The following ATXN7 variants were observed in gnomAD, a reference collection of about 807,000 sequenced individuals.
The protein encoded by ATXN7 is ataxin-7.
ATXN7 carries 12 observed loss-of-function variants against 70.5 expected under a neutral mutation model. That is an observed-to-expected ratio of 0.17 (90% confidence interval 0.11 to 0.28). The LOEUF (loss-of-function observed/expected upper bound fraction) is 0.28. Among genes scored for constraint, ATXN7 ranks in the 10% least tolerant of loss-of-function variants. The pLI is 1.00. For synonymous variants in ATXN7, 498 were observed against 448.7 expected (o/e 1.11, Z -1.39); for missense variants, 1,256 against 1,131.7 (o/e 1.11, Z -1.58).
chr3:63,893,707 C>G (rs1703356686), intron 1 of ATXN7, among the ~76,000 whole-genome samples: 1 of 152,204 alleles, frequency 6.6e-6, no homozygotes, highest in Non-Finnish European at 1.5e-5. Flanking sequence ...TTGGCCTTGG[C>G]TCCCTCTCCA....
intron 4 of ATXN7, among the ~76,000 whole-genome samples, chr3:63,925,050 G>C (rs1432435683): frequency 6.6e-6 from 1 of 152,196 alleles, no homozygotes; most frequent in Non-Finnish European, 1.5e-5. Context: ...GGACAGGCTG[G>C]TTTTGGATGG....
intron 1 of ATXN7, among the ~76,000 whole-genome samples, chr3:63,884,799 G>T (rs1257919211): frequency 6.6e-6 from 1 of 151,772 alleles, no homozygotes; most frequent in Non-Finnish European, 1.5e-5. Flanking sequence ...ACAGGTGTGT[G>T]CCACCATGCC....
At chr3:63,979,489 CAGAG>C (rs934377016) in intron 5 of ATXN7, among the ~76,000 whole-genome samples, 57 of 152,274 alleles carry the variant, frequency 3.7e-4, no homozygotes, top group African/African-American at 1.3e-3. Flanking sequence ...TTTTGAAAAT[CAGAG>C]AGGTGCGGTG....
At chr3:63,967,164 T>C (rs907209831) in intron 5 of ATXN7, among the ~76,000 whole-genome samples, 2 of 152,134 alleles carry the variant, frequency 1.3e-5, no homozygotes, top group South Asian at 2.1e-4. Flanking sequence ...ATAGGGATGA[T>C]AGGGAAACAG....
At chr3:63,928,986 T>C (rs1486608366) in intron 4 of ATXN7, among the ~76,000 whole-genome samples, 1 of 152,202 alleles carries the variant, frequency 6.6e-6, no homozygotes, top group African/African-American at 2.4e-5. Context: ...TGAGTGTGCA[T>C]ATTAGTCCAC....
intron 11 of ATXN7, 80 bp from the exon 12 acceptor site, chr3:63,995,425 A>G: frequency 6.7e-7 from 1 of 1,489,098 alleles, no homozygotes; most frequent in South Asian, 1.2e-5. Context: ...CTTTGTCACA[A>G]GCAAAGAGGG....
rs1044293709 is a variant in ATXN7 at position 63,958,940 on chromosome 3, A to G, written c.499+6457A>G. Among the ~76,000 whole-genome samples, 37 of 152,250 alleles carry G rather than the reference A, an allele frequency of 2.4e-4. 1 individual carries two copies. The highest frequency in any genetic ancestry group is 6.5e-5 in the Admixed American group (1 of 15,298). On this transcript the variant is annotated intron_variant, in intron 5 of 12. Transcript: ENST00000674280. ...ATAGAGTAAAAAAAATTCGGAGACA[A>G]TATGAATTGCATGTGTCACAAAACT... is the stretch of plus-strand genomic sequence containing the variant.
At chr3:63,955,153 A>C (rs1204111414) in intron 5 of ATXN7, among the ~76,000 whole-genome samples, 1 of 152,232 alleles carries the variant, frequency 6.6e-6, no homozygotes, top group Non-Finnish European at 1.5e-5. Flanking sequence ...GTGTGAATTC[A>C]AGATTCATTT....
At chr3:63,990,142 G>T (rs774717195) in intron 9 of ATXN7, 34 bp from the exon 10 acceptor site, 1 of 1,605,370 alleles carries the variant, frequency 6.2e-7, no homozygotes, top group Non-Finnish European at 8.5e-7. Flanking sequence ...CCAGGTGTGT[G>T]ATCTGATCCG....
chr3:64,003,383 TAA>T lies in ATXN7; in HGVS notation c.*3919_*3920del, dbSNP rs2075856606. Reference sequence around the variant, plus strand: ...GGGATAGAAAATTACTTTGGATATTTAAAAGAGAAGAAATATATAGTCTATTT... The same window carrying T: ...GGGATAGAAAATTACTTTGGATATTTAAGAGAAGAAATATATAGTCTATTT... On this transcript the variant is annotated 3_prime_UTR_variant, in exon 13 of 13. Coordinates refer to ENST00000674280, the MANE Select transcript of ATXN7 (RefSeq NM_001377405.1). 6.6e-6 allele frequency: 1 copy of T among 152,124 alleles called. No homozygotes were observed. The allele number at this position is 152,124 out of a possible 1,614,324, so 9.4% of individuals were successfully genotyped here.
chr3:63,935,998 G>C (rs2074655905), intron 4 of ATXN7, among the ~76,000 whole-genome samples: 1 of 152,160 alleles, frequency 6.6e-6, no homozygotes, highest in Non-Finnish European at 1.5e-5. Flanking sequence ...AATTTTACCA[G>C]TCATTCAATG....
chr3:63,954,761 T>C (rs2075014362), intron 5 of ATXN7, among the ~76,000 whole-genome samples: 1 of 140,004 alleles, frequency 7.1e-6, no homozygotes, highest in South Asian at 2.2e-4. Context: ...CAAGCTGGAG[T>C]GTAGTGGCGC....
chr3:63,982,871 T>G (rs2075513367), intron 7 of ATXN7, 68 bp from the exon 8 acceptor site: 1 of 1,215,712 alleles, frequency 8.2e-7, no homozygotes, highest in African/African-American at 1.5e-5. Context: ...TTCTTCTATT[T>G]TCTTGCTTAA....
chr3:63,963,663 A>T (rs983477186), intron 5 of ATXN7, among the ~76,000 whole-genome samples: 1 of 152,192 alleles, frequency 6.6e-6, no homozygotes, highest in African/African-American at 2.4e-5. Context: ...ATGTAAATCC[A>T]TTCACAGCCC....
At chr3:63,892,370 T>G (rs1703294552) in intron 1 of ATXN7, among the ~76,000 whole-genome samples, 1 of 119,058 alleles carries the variant, frequency 8.4e-6, no homozygotes, top group Admixed American at 1.0e-4. Flanking sequence ...TAAAGACACC[T>G]CTACCACACA....
chr3:63,995,402 G>T, intron 11 of ATXN7, 103 bp from the exon 12 acceptor site: 1 of 1,308,590 alleles, frequency 7.6e-7, no homozygotes, highest in East Asian at 2.4e-5. Context: ...TTGCTTTGAT[G>T]TGGATGGTTT....
chr3:63,979,721 G>A (rs1473068474), intron 5 of ATXN7, among the ~76,000 whole-genome samples, 194 bp from the exon 6 acceptor site: 1 of 152,152 alleles, frequency 6.6e-6, no homozygotes, highest in Admixed American at 6.5e-5. Context: ...AGAAAGAGAA[G>A]GACCCGTTCC....
At chr3:63,874,800 G>A (rs1702702469) in intron 1 of ATXN7, among the ~76,000 whole-genome samples, 1 of 152,198 alleles carries the variant, frequency 6.6e-6, no homozygotes, top group Non-Finnish European at 1.5e-5. Context: ...TGACGTTGGT[G>A]TGTGTCTTAG....
At position 63,999,576 on chromosome 3, in the gene ATXN7, T is replaced by G; in HGVS notation, c.*109T>G. ...TGCCTTTGAGTCTGTTTTCCCAACC[T>G]CCTGTGGGCCTCAAGGGTAGAAACC... On this transcript the variant is annotated 3_prime_UTR_variant, in exon 13 of 13. Transcript: ENST00000674280. The G allele has an allele frequency of 6.4e-7, 1 of 1,559,844 alleles. No individual in the cohort carries two copies. Among genetic ancestry groups the G allele is most frequent in the East Asian group, 2.3e-5 (1 of 42,598 alleles).
Sources: allele counts gnomAD v4.1 joint callset (sites outside exome capture counted in the v4.1 genomes callset), GRCh38; gene constraint gnomAD v4.1.1; transcripts MANE v1.5; gene names NCBI Gene and HGNC (gene_info 2026-07-23, HGNC 2026-07-21).